The following SDCBP variants were observed in gnomAD, a reference collection of about 807,000 sequenced individuals.
The protein encoded by SDCBP is syntenin-1.
Under a neutral mutation model 30.5 loss-of-function variants are expected in SDCBP, and 22 were observed. The ratio of observed to expected loss-of-function variants is 0.72; its 90% CI spans 0.52 to 1.03. The LOEUF is 1.03. Ranked by LOEUF, SDCBP falls within the 50% of genes least tolerant of loss-of-function variation. The pLI, the probability that SDCBP is intolerant of heterozygous loss-of-function variation, is 0.00. For synonymous variants in SDCBP, 103 were observed against 118.7 expected, an observed-to-expected ratio of 0.87 and a Z score of 0.86; for missense variants, 304 against 369.9, an observed-to-expected ratio of 0.82 and a Z score of 1.46.
chr8:58,570,856 A>G, intron 2 of SDCBP, 31 bp from the exon 3 acceptor site: 2 of 1,486,228 alleles, frequency 1.3e-6, no homozygotes, highest in Non-Finnish European at 9.4e-7. Context: ...AGTATAGCAT[A>G]TTGTTAGAAT....
intron 1 of SDCBP, among the ~76,000 whole-genome samples, chr8:58,553,922 T>G (rs148321374): frequency 1.1e-4 from 16 of 152,316 alleles, no homozygotes; most frequent in African/African-American, 3.8e-4. Context: ...GAGAAACGTT[T>G]CCAGTAGGGT....
chr8:58,576,807 T>C (rs1272890291), intron 5 of SDCBP, among the ~76,000 whole-genome samples: 1 of 152,236 alleles, frequency 6.6e-6, no homozygotes, highest in Non-Finnish European at 1.5e-5. Flanking sequence ...GTTTCAGTCA[T>C]ACATCTCTAG....
chr8:58,571,532 C>G (rs1805023971), intron 3 of SDCBP, among the ~76,000 whole-genome samples: 1 of 152,084 alleles, frequency 6.6e-6, no homozygotes, highest in African/African-American at 2.4e-5. Context: ...TGTGGCCTGT[C>G]ATTTTGTCTT....
At chr8:58,556,951 TATA>T (rs200029925) in intron 1 of SDCBP, among the ~76,000 whole-genome samples, 43,789 of 137,846 alleles carry the variant, frequency 0.32, 7,180 homozygotes, top group East Asian at 0.55. Flanking sequence ...ATGAATAATA[TATA>T]ATGATTTATA....
Position 58,578,180 on chromosome 8 carries a change from G to C in SDCBP, c.550G>C (p.Glu184Gln). The change falls in exon 6 of 9, where the codon GAG becomes CAG. Residue 184 changes from glutamate to glutamine, a missense_variant. Glu to Gln is a conservative substitution (Grantham distance 29). Coordinates refer to ENST00000260130, the MANE Select transcript of SDCBP (RefSeq NM_005625.4). ...AHKVLKQAFG[E>Q]KITMTIRDRP... ...CAAGGTGCTCAAACAGGCTTTTGGA[G>C]AGAAGATTACCATGACCATTCGTGA... The C allele has an allele frequency of 6.3e-7, 1 of 1,589,610 alleles. No individual in the cohort carries two copies. Among genetic ancestry groups the C allele is most frequent in the South Asian group, 1.1e-5 (1 of 87,624 alleles).
At chr8:58,580,215 T>C (rs1019151906) in intron 7 of SDCBP, among the ~76,000 whole-genome samples, 3 of 152,212 alleles carry the variant, frequency 2.0e-5, no homozygotes, top group African/African-American at 7.2e-5. Flanking sequence ...ACCTCCTCAT[T>C]TCATAGAATT....
At chr8:58,560,932 A>G (rs1392784021) in intron 1 of SDCBP, 1 of 152,258 alleles carries the variant, frequency 6.6e-6, no homozygotes, top group Non-Finnish European at 1.5e-5. Flanking sequence ...AGATATCTTC[A>G]TTATCTCAGA....
intron 2 of SDCBP, among the ~76,000 whole-genome samples, chr8:58,565,413 T>G (rs537263134): frequency 6.6e-6 from 1 of 152,104 alleles, no homozygotes; most frequent in Non-Finnish European, 1.5e-5. Context: ...TTGTATAAAA[T>G]TGGTATATTT....
intron 1 of SDCBP, 88 bp downstream of exon 1, chr8:58,553,391 C>T (rs1416546170): frequency 2.6e-5 from 4 of 152,720 alleles, no homozygotes; most frequent in African/African-American, 7.2e-5. Flanking sequence ...CCCTGGGCCA[C>T]TTCACAGACT....
intron 2 of SDCBP, among the ~76,000 whole-genome samples, chr8:58,568,016 C>G (rs1379360961): frequency 6.6e-6 from 1 of 152,138 alleles, no homozygotes; most frequent in Non-Finnish European, 1.5e-5. Context: ...TTATTGTATA[C>G]TGCTGTAGAC....
intron 5 of SDCBP, among the ~76,000 whole-genome samples, chr8:58,577,430 TTG>T (rs1334680695): frequency 6.6e-6 from 1 of 152,256 alleles, no homozygotes; most frequent in Non-Finnish European, 1.5e-5. Flanking sequence ...ATTTATTTCA[TTG>T]TGTGTTCTTT....
At chr8:58,559,782 G>A (rs539515329) in intron 1 of SDCBP, among the ~76,000 whole-genome samples, 7 of 152,300 alleles carry the variant, frequency 4.6e-5, no homozygotes, top group African/African-American at 1.7e-4. Context: ...GAGAAATCCG[G>A]AAACTAGTTA....
At chr8:58,557,315 TA>T (rs1804188799) in intron 1 of SDCBP, among the ~76,000 whole-genome samples, 1 of 135,024 alleles carries the variant, frequency 7.4e-6, no homozygotes, top group African/African-American at 2.8e-5. Flanking sequence ...TAATTATATA[TA>T]AATATAAAAT....
chr8:58,579,685 A>T lies in SDCBP; in HGVS notation c.641A>T (p.Lys214Ile). The T allele has an allele frequency of 6.2e-7, 1 of 1,612,142 alleles. No homozygotes were observed. The highest frequency in any genetic ancestry group is 8.5e-7 in the Non-Finnish European group (1 of 1,179,464). Residue 214 changes from lysine (K) to isoleucine (I), a missense_variant, in exon 7 of 9, where the codon AAA becomes ATA. Transcript: ENST00000260130. The part of the protein sequence containing the change: ...DSTGHVGFIF[K>I]NGKITSIVKD... ...ACTGGACATGTTGGTTTTATCTTTA[A>T]AAATGGAAAAATAACATCCATAGTG...
chr8:58,579,788 A>T lies in SDCBP; in HGVS notation c.744A>T (p.Gly248=). 6.2e-7 allele frequency: 1 copy of T among 1,607,316 alleles called. No homozygotes were observed. ...ICEINGQNVI[G]LKDSQIADIL... ...AAATCAATGGACAGAATGTCATTGG[A>T]TTGAAGGTAAGGAACAGACTTTGTG... Residue 248 remains glycine, a synonymous_variant, in exon 7 of 9, where the codon GGA becomes GGT. Transcript: ENST00000260130.
At chr8:58,563,223 A>G (rs538691937) in intron 1 of SDCBP, among the ~76,000 whole-genome samples, 3 of 152,358 alleles carry the variant, frequency 2.0e-5, no homozygotes, top group African/African-American at 7.2e-5. Context: ...ATAATGTGGT[A>G]TACATACAAT....
At chr8:58,579,852 G>A (rs1044347685) in intron 7 of SDCBP, 58 bp downstream of exon 7, 1 of 1,502,542 alleles carries the variant, frequency 6.7e-7, no homozygotes, top group Non-Finnish European at 8.9e-7. Flanking sequence ...TCTGTCTTTT[G>A]ACTGTATTTA....
chr8:58,565,120 C>T (rs1408672659), intron 2 of SDCBP, 36 bp downstream of exon 2: 2 of 1,093,040 alleles, frequency 1.8e-6, no homozygotes, highest in East Asian at 5.1e-5. Context: ...AAAACAAACA[C>T]AGTAACATGC....
chr8:58,572,396 C>G, intron 4 of SDCBP, 82 bp downstream of exon 4: 1 of 878,446 alleles, frequency 1.1e-6, no homozygotes, highest in Non-Finnish European at 1.9e-6. Flanking sequence ...GTGGCTAACT[C>G]ACAGATATAC....
Sources: gnomAD v4.1 joint callset for allele counts (sites outside exome capture counted in the v4.1 genomes callset) on GRCh38, gnomAD v4.1.1 for gene constraint, MANE v1.5 for transcripts, NCBI Gene and HGNC (gene_info 2026-07-23, HGNC 2026-07-21) for gene names.